The following CAMK2D variants were observed in gnomAD, a reference collection of about 807,000 sequenced individuals.
CAMK2D encodes calcium/calmodulin dependent protein kinase II delta.
In CAMK2D, 37 loss-of-function variants were observed where a neutral mutation model predicts 84.0. The ratio of observed to expected loss-of-function variants is 0.44; its 90% CI spans 0.34 to 0.58. The LOEUF is 0.58. CAMK2D is among the 20% of genes least tolerant of loss of function. The pLI is 0.02. For synonymous variants in CAMK2D, 202 were observed against 212.5 expected, an observed-to-expected ratio of 0.95 and a Z score of 0.43; for missense variants, 448 against 652.5, an observed-to-expected ratio of 0.69 and a Z score of 3.41.
chr4:113,718,184 T>C (rs967134470), intron 2 of CAMK2D, among the ~76,000 whole-genome samples: 2 of 152,162 alleles, frequency 1.3e-5, no homozygotes, highest in Admixed American at 1.3e-4. Flanking sequence ...TTCAAATCAG[T>C]CTTATTTGAG....
At chr4:113,471,806 G>T (rs1386731969) in intron 16 of CAMK2D, among the ~76,000 whole-genome samples, 1 of 151,402 alleles carries the variant, frequency 6.6e-6, no homozygotes, top group African/African-American at 2.4e-5. Context: ...CCCCTTTAAG[G>T]TTTCTAGTCC....
chr4:113,747,028 T>TTAAAC (rs2099605852), intron 2 of CAMK2D, among the ~76,000 whole-genome samples: 1 of 150,782 alleles, frequency 6.6e-6, no homozygotes, highest in South Asian at 2.1e-4. Context: ...TTTACCCCCT[T>TTAAAC]TAAACTACAA....
chr4:113,553,392 G>A (rs1279323726), intron 4 of CAMK2D, among the ~76,000 whole-genome samples: 1 of 152,144 alleles, frequency 6.6e-6, no homozygotes, highest in Admixed American at 6.5e-5. Context: ...AGAGCTTCAT[G>A]TATGAATACT....
chr4:113,736,697 CA>C (rs2099582166), intron 2 of CAMK2D, among the ~76,000 whole-genome samples: 1 of 152,060 alleles, frequency 6.6e-6, no homozygotes, highest in African/African-American at 2.4e-5. Context: ...TATGGCCTTT[CA>C]TTCATATTAA....
rs1047543181 is a variant in CAMK2D at position 113,761,127 on chromosome 4, C to A, written c.-59G>T. The A allele has an allele frequency of 3.7e-6, 6 of 1,610,062 alleles. No individual in the cohort carries two copies. Among genetic ancestry groups the A allele is most frequent in the East Asian group, 2.2e-5 (1 of 44,856 alleles). On this transcript the variant is annotated 5_prime_UTR_variant, in exon 1 of 21. Transcript: ENST00000511664. The stretch of plus-strand genomic sequence containing the variant: ...GACGGACCAGAAGCGAGCAGACGCG[C>A]GGCTAACCCCGGGACTGGCCCCGCG...
intron 4 of CAMK2D, among the ~76,000 whole-genome samples, chr4:113,555,633 A>G (rs543125854): frequency 2.0e-5 from 3 of 152,338 alleles, no homozygotes; most frequent in African/African-American, 4.8e-5. Flanking sequence ...TCATTTAGTG[A>G]TGAAGGCAGA....
intron 3 of CAMK2D, among the ~76,000 whole-genome samples, chr4:113,634,545 C>T (rs1387617398): frequency 2.0e-5 from 3 of 152,152 alleles, no homozygotes; most frequent in Non-Finnish European, 4.4e-5. Context: ...TGCTGGCAGT[C>T]ACAGGTCCAA....
chr4:113,625,559 T>C (rs969666415), intron 3 of CAMK2D, among the ~76,000 whole-genome samples: 18 of 151,976 alleles, frequency 1.2e-4, no homozygotes, highest in South Asian at 2.1e-4. Context: ...CAAAAGCAAA[T>C]ACAAAGATCC....
chr4:113,665,726 AG>A (rs1356945837), intron 2 of CAMK2D, among the ~76,000 whole-genome samples: 1 of 152,200 alleles, frequency 6.6e-6, no homozygotes, highest in Non-Finnish European at 1.5e-5. Context: ...ATTCCTTTGA[AG>A]CTCAAGTCCA....
intron 8 of CAMK2D, among the ~76,000 whole-genome samples, chr4:113,522,390 C>CTTG (rs895274918): frequency 6.6e-6 from 1 of 152,164 alleles, no homozygotes; most frequent in African/African-American, 2.4e-5. Flanking sequence ...TCTCTCTTAC[C>CTTG]TTGTTGTAGT....
At chr4:113,729,911 T>C (rs969336982) in intron 2 of CAMK2D, among the ~76,000 whole-genome samples, 9 of 152,272 alleles carry the variant, frequency 5.9e-5, no homozygotes, top group Admixed American at 5.9e-4. Flanking sequence ...AGGGATTTGA[T>C]CTTGGACTTT....
intron 13 of CAMK2D, among the ~76,000 whole-genome samples, chr4:113,507,715 T>A (rs918168740): frequency 6.6e-6 from 1 of 152,226 alleles, no homozygotes; most frequent in Non-Finnish European, 1.5e-5. Flanking sequence ...ATTACTCTTA[T>A]GAGGCATGGG....
intron 2 of CAMK2D, among the ~76,000 whole-genome samples, chr4:113,713,513 T>C (rs2099501151): frequency 6.7e-6 from 1 of 148,264 alleles, no homozygotes; most frequent in African/African-American, 2.4e-5. Flanking sequence ...ATATTATATA[T>C]AGTATAACAA....
rs138494746 is a variant in CAMK2D at position 113,509,936 on chromosome 4, T to C, written c.947-261A>G. Among the ~76,000 whole-genome samples, 672 of 152,362 alleles carry C rather than the reference T, an allele frequency of 4.4e-3. 5 individuals are homozygous for C. Among genetic ancestry groups the C allele is most frequent in the African/African-American group, 0.015 (642 of 41,588 alleles). On this transcript the variant is annotated intron_variant, in intron 12 of 20. Coordinates refer to ENST00000511664, the MANE Select transcript of CAMK2D (RefSeq NM_001321571.2). ...TTGAATACTTTGCCAGTTGTGTTTA[T>C]TGGACTTTATTTCACTGTTGGTTGT...
chr4:113,599,045 C>A (rs905385646), intron 4 of CAMK2D, among the ~76,000 whole-genome samples: 1 of 151,982 alleles, frequency 6.6e-6, no homozygotes, highest in Admixed American at 6.6e-5. Context: ...AGATGGTAAG[C>A]GAGCATATGA....
intron 3 of CAMK2D, among the ~76,000 whole-genome samples, chr4:113,622,454 A>C (rs1305358833): frequency 6.6e-6 from 1 of 152,152 alleles, no homozygotes. Context: ...TCCCTCCAGC[A>C]GGCATCTTTG....
rs192309201 is a variant in CAMK2D at position 113,706,373 on chromosome 4, T to A, written c.161-44601A>T. Among the ~76,000 whole-genome samples the A allele has an allele frequency of 1.6e-3, 251 of 152,332 alleles. 1 individual carries two copies. Among genetic ancestry groups the A allele is most frequent in the African/African-American group, 5.7e-3 (239 of 41,584 alleles). On this transcript the variant is annotated intron_variant, in intron 2 of 20. Transcript: ENST00000511664. ...AACAGAAACTATTCTGTTGAAGTCA[T>A]GTGAAAATAGGACATTCCCTAAATA...
rs1553930374 is a variant in CAMK2D, at chr4:113,526,414, A to ATATGTGTGTGTGTG, written c.601+4801_601+4802insCACACACACACATA. 8.8e-4 allele frequency among the ~76,000 whole-genome samples: 132 copies of ATATGTGTGTGTGTG among 149,678 alleles called. 1 individual carries two copies. Among genetic ancestry groups the ATATGTGTGTGTGTG allele is most frequent in the African/African-American group, 3.1e-3 (127 of 40,504 alleles). ...ATAAGTTTCTAAGGAGTCATTCTTG[A>ATATGTGTGTGTGTG]TGTGTGTGTGTGTGTGTGTGTGTGT... On this transcript the variant is annotated intron_variant, in intron 8 of 20. Coordinates refer to ENST00000511664, the MANE Select transcript of CAMK2D (RefSeq NM_001321571.2).
intron 4 of CAMK2D, among the ~76,000 whole-genome samples, chr4:113,604,612 T>C (rs1444549010): frequency 6.6e-6 from 1 of 152,234 alleles, no homozygotes; most frequent in Admixed American, 6.5e-5. Flanking sequence ...ATATTTCAAA[T>C]TACTATGGTT....
Sources: allele counts gnomAD v4.1 joint callset (sites outside exome capture counted in the v4.1 genomes callset), GRCh38; gene constraint gnomAD v4.1.1; transcripts MANE v1.5; gene names NCBI Gene and HGNC (gene_info 2026-07-23, HGNC 2026-07-21).